TRAPPC12: variants seen among roughly 807,000 people sequenced by gnomAD.
TRAPPC12 encodes TPR repeat protein 15.
In TRAPPC12, 61 loss-of-function variants were observed where a neutral mutation model predicts 69.2. The observed-to-expected ratio is 0.88, with a 90% confidence interval of 0.72 to 1.09. The LOEUF is 1.09. Among genes scored for constraint, TRAPPC12 ranks in the 50% least tolerant of loss-of-function variants. TRAPPC12 has a pLI of 0.00. For synonymous variants in TRAPPC12, 469 were observed against 438.9 expected (o/e 1.07, Z -0.86); for missense variants, 1,101 against 1,016.4 (o/e 1.08, Z -1.13).
At chr2:3,461,365 C>T (rs529148304) in intron 8 of TRAPPC12, among the ~76,000 whole-genome samples, 1 of 152,350 alleles carries the variant, frequency 6.6e-6, no homozygotes, top group East Asian at 1.9e-4. Context: ...AGCGCAGCCC[C>T]AGTGCCCAGT....
chr2:3,447,781 G>A (rs578261092), intron 6 of TRAPPC12, among the ~76,000 whole-genome samples: 1 of 152,306 alleles, frequency 6.6e-6, no homozygotes, highest in East Asian at 1.9e-4. Flanking sequence ...TGTGGCCTTT[G>A]ATCCCCTCTG....
chr2:3,478,012 C>T (rs1666369740), intron 10 of TRAPPC12: 1 of 413,802 alleles, frequency 2.4e-6, no homozygotes, highest in South Asian at 7.1e-5. Context: ...AGGAGCTATT[C>T]CCCCTTGTTC....
At chr2:3,465,812 A>G (rs1665782136) in intron 9 of TRAPPC12, 117 bp downstream of exon 9, 3 of 751,840 alleles carry the variant, frequency 4.0e-6, no homozygotes, top group East Asian at 2.6e-5. Context: ...AAATATTCCA[A>G]TTCAAATGTA....
chr2:3,382,701 G>A (rs1188745373), intron 1 of TRAPPC12, among the ~76,000 whole-genome samples: 1 of 152,176 alleles, frequency 6.6e-6, no homozygotes, highest in African/African-American at 2.4e-5. Flanking sequence ...AAGGCAGGAG[G>A]ATCACTTGAG....
At chr2:3,463,243 A>G (rs1212959412) in intron 8 of TRAPPC12, among the ~76,000 whole-genome samples, 1 of 152,134 alleles carries the variant, frequency 6.6e-6, no homozygotes, top group Admixed American at 6.5e-5. Flanking sequence ...CACAATCCCA[A>G]ATCCTCATCT....
Position 3,387,917 on chromosome 2 carries a change from C to T in TRAPPC12, c.294C>T (p.Gly98=), listed in dbSNP as rs1660575676. ...ACGAAGCTGAGCCCGGAGGGGAAGG[C>T]GACCCAGGCCCGGAGCCCGCGGGCA... ...VRDEAEPGGE[G]DPGPEPAGTP... The change falls in exon 2 of 12, where the codon GGC becomes GGT. Residue 98 remains glycine, a synonymous_variant. Transcript: ENST00000324266. 2.0e-6 allele frequency: 3 copies of T among 1,529,624 alleles called. No homozygotes were observed. Among genetic ancestry groups the T allele is most frequent in the Admixed American group, 2.1e-5 (1 of 48,684 alleles). 94.8% of individuals were successfully genotyped at this position (1,529,624 alleles called of 1,614,324 possible).
intron 3 of TRAPPC12, among the ~76,000 whole-genome samples, chr2:3,413,473 T>G (rs985933706): frequency 1.3e-5 from 2 of 152,176 alleles, no homozygotes; most frequent in Non-Finnish European, 2.9e-5. Context: ...AGTGAACAGT[T>G]TTATAGTTTC....
rs529458069 is a variant in TRAPPC12, at chr2:3,388,728, C to G, written c.1047+58C>G. ...GCCTCCTCTCTGCGTCTGTGAGATACGCACAGTGCCCCTTTAGGGATGGAG... is the reference window on the plus strand; with the variant it reads ...GCCTCCTCTCTGCGTCTGTGAGATAGGCACAGTGCCCCTTTAGGGATGGAG... On this transcript the variant is annotated intron_variant, in intron 2 of 11. Transcript: ENST00000324266. 876 of 1,432,086 alleles carry G rather than the reference C, an allele frequency of 6.1e-4. 2 individuals carry two copies. The highest frequency in any genetic ancestry group is 9.0e-4 in the Middle Eastern group (5 of 5,566). The allele number at this position is 1,432,086 out of a possible 1,614,324, so 88.7% of individuals were successfully genotyped here.
chr2:3,451,111 A>G (rs999412135), intron 6 of TRAPPC12, among the ~76,000 whole-genome samples: 16 of 152,250 alleles, frequency 1.1e-4, no homozygotes, highest in African/African-American at 3.9e-4. Context: ...GTGGTTATAT[A>G]TGGAGTCAAG....
intron 5 of TRAPPC12, among the ~76,000 whole-genome samples, chr2:3,428,883 G>A (rs1410032182): frequency 1.3e-5 from 2 of 152,166 alleles, no homozygotes; most frequent in Admixed American, 1.3e-4. Context: ...ACTCTGACCT[G>A]GGTGTCCTCT....
intron 2 of TRAPPC12, among the ~76,000 whole-genome samples, chr2:3,393,433 A>G (rs947969382): frequency 1.3e-5 from 2 of 152,178 alleles, no homozygotes; most frequent in African/African-American, 2.4e-5. Context: ...CATGGTGACT[A>G]TAGTTAGTAA....
intron 2 of TRAPPC12, among the ~76,000 whole-genome samples, chr2:3,399,890 CA>C (rs1661339991): frequency 6.7e-6 from 1 of 150,340 alleles, no homozygotes; most frequent in African/African-American, 2.5e-5. Context: ...GAAGTCCAGG[CA>C]GGGGGCACGC....
Position 3,452,695 on chromosome 2 carries a change from C to A in TRAPPC12, c.1531-4926C>A, listed in dbSNP as rs115433500. 3.7e-3 allele frequency among the ~76,000 whole-genome samples: 570 copies of A among 152,318 alleles called. 2 individuals carry two copies. Among genetic ancestry groups the A allele is most frequent in the African/African-American group, 0.012 (495 of 41,566 alleles). On this transcript the variant is annotated intron_variant, in intron 6 of 11. Transcript: ENST00000324266. ...GCCAAACCTCAGAGCTGTGGAAGCT[C>A]CTGGACGTTTCAAAGACCCACTTAA... is the stretch of plus-strand genomic sequence containing the variant.
At position 3,388,468 on chromosome 2, in the gene TRAPPC12, A is replaced by C; in HGVS notation, c.845A>C (p.His282Pro). ...CCGGCGTCGCCAGAGCCTTTCGCGC[A>C]CATCCAGGCAGTGTTTGCAGGGAGT... ...APPASPEPFA[H>P]IQAVFAGSDD... Residue 282 changes from histidine (H) to proline (P), a missense_variant, in exon 2 of 12, where the codon CAC becomes CCC. By Grantham distance (77) the His-to-Pro change is moderately conservative. Transcript: ENST00000324266. The C allele has an allele frequency of 1.2e-6, 2 of 1,612,256 alleles. No homozygotes were observed. The highest frequency in any genetic ancestry group is 8.5e-7 in the Non-Finnish European group (1 of 1,179,504).
chr2:3,449,220 G>A (rs1415453789), intron 6 of TRAPPC12: 1 of 152,242 alleles, frequency 6.6e-6, no homozygotes, highest in African/African-American at 2.4e-5. Context: ...GAGCTTCACA[G>A]ACCATTTGGG....
At chr2:3,412,776 A>G (rs1004719713) in intron 3 of TRAPPC12, among the ~76,000 whole-genome samples, 12 of 152,186 alleles carry the variant, frequency 7.9e-5, no homozygotes, top group African/African-American at 2.7e-4. Flanking sequence ...AATCATTGAT[A>G]TGATTGTGTT....
At chr2:3,438,997 A>G (rs1384350790) in intron 5 of TRAPPC12, among the ~76,000 whole-genome samples, 2 of 152,158 alleles carry the variant, frequency 1.3e-5, no homozygotes, top group Admixed American at 6.5e-5. Context: ...TGGTAAAAGT[A>G]TTCTTAGCCT....
chr2:3,406,583 C>G (rs1368575676), intron 3 of TRAPPC12, among the ~76,000 whole-genome samples: 1 of 152,210 alleles, frequency 6.6e-6, no homozygotes, highest in Non-Finnish European at 1.5e-5. Flanking sequence ...GGGGAAAAAA[C>G]AGCTAATTTG....
intron 2 of TRAPPC12, among the ~76,000 whole-genome samples, chr2:3,395,523 C>T (rs1215577277): frequency 6.7e-6 from 1 of 148,938 alleles, no homozygotes; most frequent in East Asian, 2.0e-4. Flanking sequence ...ATACTAGCTA[C>T]AGATTCTCGC....
Sources: allele counts gnomAD v4.1 joint callset (sites outside exome capture counted in the v4.1 genomes callset), GRCh38; gene constraint gnomAD v4.1.1; transcripts MANE v1.5; gene names NCBI Gene and HGNC (gene_info 2026-07-23, HGNC 2026-07-21).